Variants in SLC19A2 observed in about 807,000 individuals in gnomAD.
The protein encoded by SLC19A2 is solute carrier family 19 member 2, also known as thiamine transporter 1.
A neutral mutation model predicts 44.7 loss-of-function variants in SLC19A2; 27 were observed. That is an observed-to-expected ratio of 0.60 (90% CI 0.45 to 0.83). The LOEUF (loss-of-function observed/expected upper bound fraction) is 0.83, where lower values mean the gene tolerates loss of function less well. Ranked by LOEUF, SLC19A2 falls within the 40% of genes least tolerant of loss-of-function variation. SLC19A2 has a pLI of 0.00. For synonymous variants in SLC19A2, 239 were observed against 243.6 expected, an observed-to-expected ratio of 0.98 and a Z score of 0.18; for missense variants, 566 against 613.7, an observed-to-expected ratio of 0.92 and a Z score of 0.82.
At position 169,470,083 on chromosome 1, in the gene SLC19A2, A is replaced by G. The variant is rs1294255346; in HGVS notation, c.911T>C (p.Leu304Pro). 1 of 1,614,080 alleles carries G rather than the reference A, an allele frequency of 6.2e-7. No individual in the cohort carries two copies. Among genetic ancestry groups the G allele is most frequent in the East Asian group, 2.2e-5 (1 of 44,886 alleles). ...AACTTGAAAATAGCCACAGGTAGAG[A>G]GGGCCCACCACACAGACCAGCAGAG... ...PLLCWSVWWA[L>P]STCGYFQVVN... Residue 304 changes from leucine (L) to proline (P), a missense_variant, in exon 3 of 6, where the codon CTC becomes CCC. Coordinates refer to ENST00000236137, the MANE Select transcript of SLC19A2 (RefSeq NM_006996.3).
Position 169,478,688 on chromosome 1 carries a change from A to G in SLC19A2, c.205-931T>C, listed in dbSNP as rs192827958. Among the ~76,000 whole-genome samples, 687 of 151,840 alleles carry G rather than the reference A, an allele frequency of 4.5e-3. 6 individuals carry two copies. The highest frequency in any genetic ancestry group is 0.016 in the African/African-American group (667 of 41,406). ...ATCTGGCCTAGCCTCAAACTCTCCT[A>G]ATACTGATCTATATGCATCAGTTTC... On this transcript the variant is annotated intron_variant, in intron 1 of 5. Coordinates refer to ENST00000236137, the MANE Select transcript of SLC19A2 (RefSeq NM_006996.3).
chr1:169,478,099 G>T lies in SLC19A2; in HGVS notation c.205-342C>A, dbSNP rs528568455. Among the ~76,000 whole-genome samples, 5 of 152,124 alleles carry T rather than the reference G, an allele frequency of 3.3e-5. No homozygotes were observed. The East Asian group carries it at 9.7e-4, about 29-fold the overall frequency. ...TTTTTGTATTTTTAGTAGAGGTGGG[G>T]TTTCACCATGTTGGCCAGGCTGGTC... is the stretch of plus-strand genomic sequence containing the variant. On this transcript the variant is annotated intron_variant, in intron 1 of 5. Transcript: ENST00000236137.
In SLC19A2 at chr1:169,485,564, T is replaced by C. The variant is rs774228221; in HGVS notation, c.203A>G (p.Glu68Gly). Reference protein sequence around the residue: ...LGPDKNLTEREVFNEIYPVWT... With the variant: ...LGPDKNLTERGVFNEIYPVWT... ...GCGCCCCGCGTCCGCCGCGCGTACC[T>C]CCCTCTCGGTCAGGTTCTTGTCCGG... The change falls in exon 1 of 6, where the codon GAG (glutamate) becomes GGG (glycine). Residue 68 changes from glutamate to glycine, a missense_variant and splice_region_variant. Coordinates refer to ENST00000236137, the MANE Select transcript of SLC19A2 (RefSeq NM_006996.3). 6.3e-7 allele frequency: 1 copy of C among 1,583,600 alleles called. No individual in the cohort carries two copies. Among genetic ancestry groups the C allele is most frequent in the Non-Finnish European group, 8.6e-7 (1 of 1,165,422 alleles).
In SLC19A2 at chr1:169,465,774, C is replaced by G; in HGVS notation, c.*75G>C. 2 of 1,529,068 alleles carry G rather than the reference C, an allele frequency of 1.3e-6. No individual in the cohort carries two copies. The allele number at this position is 1,529,068 out of a possible 1,614,324, so 94.7% of individuals were successfully genotyped here. A position where few individuals can be genotyped will look rare whatever the true frequency, so the allele number is the denominator to read the frequency against. ...GCACATTCATAAATATATGTCTACGCTTTAAAAAATCAAACACATCCAGGC... is the reference window on the plus strand; with the variant it reads ...GCACATTCATAAATATATGTCTACGGTTTAAAAAATCAAACACATCCAGGC... On this transcript the variant is annotated 3_prime_UTR_variant, in exon 6 of 6. Coordinates refer to ENST00000236137, the MANE Select transcript of SLC19A2 (RefSeq NM_006996.3).
At chr1:169,466,572 T>C (rs1455526159) in intron 5 of SLC19A2, among the ~76,000 whole-genome samples, 1 of 152,116 alleles carries the variant, frequency 6.6e-6, no homozygotes, top group African/African-American at 2.4e-5. Context: ...ATGTGCAGAT[T>C]TGTTATATAG....
chr1:169,465,687 A>G lies in SLC19A2; in HGVS notation c.*162T>C. 2 of 716,718 alleles carry G rather than the reference A, an allele frequency of 2.8e-6. No individual in the cohort carries two copies. The highest frequency in any genetic ancestry group is 1.6e-5 in the South Asian group (1 of 61,134). The allele number at this position is 716,718 out of a possible 1,614,324, so 44.4% of individuals were successfully genotyped here. Reference sequence around the variant, plus strand: ...AACTTTACTTCTGGCTCCTCTGAATAGTATCATGTTATTCCCGGAACACAA... The same window carrying G: ...AACTTTACTTCTGGCTCCTCTGAATGGTATCATGTTATTCCCGGAACACAA... On this transcript the variant is annotated 3_prime_UTR_variant, in exon 6 of 6. Transcript: ENST00000236137.
chr1:169,485,810 C>G lies in SLC19A2; in HGVS notation c.-44G>C. 1 of 1,500,074 alleles carries G rather than the reference C, an allele frequency of 6.7e-7. No homozygotes were observed. Among genetic ancestry groups the G allele is most frequent in the Non-Finnish European group, 8.8e-7 (1 of 1,131,380 alleles). 92.9% of individuals were successfully genotyped at this position (1,500,074 alleles called of 1,614,324 possible). A position where few individuals can be genotyped will look rare whatever the true frequency, so the allele number is the denominator to read the frequency against. The stretch of plus-strand genomic sequence containing the variant: ...GGACCCGGCCCGGCCCCTTCCTTCT[C>G]CTCCTCCGCCAACTGGAGTGAGGGT... On this transcript the variant is annotated 5_prime_UTR_variant, in exon 1 of 6. Coordinates refer to ENST00000236137, the MANE Select transcript of SLC19A2 (RefSeq NM_006996.3).
At chr1:169,483,055 CA>C (rs2101785521) in intron 1 of SLC19A2, among the ~76,000 whole-genome samples, 1 of 152,320 alleles carries the variant, frequency 6.6e-6, no homozygotes, top group Non-Finnish European at 1.5e-5. Flanking sequence ...AACATACAGT[CA>C]AATTTTAGCC....
intron 2 of SLC19A2, among the ~76,000 whole-genome samples, chr1:169,471,060 CAAA>C (rs34821464): frequency 7.5e-6 from 1 of 133,430 alleles, no homozygotes. Context: ...CTATCTCTAC[CAAA>C]AAAAAAAAAA....
chr1:169,471,613 C>T (rs1231275765), intron 2 of SLC19A2, among the ~76,000 whole-genome samples: 5 of 149,260 alleles, frequency 3.3e-5, no homozygotes, highest in African/African-American at 1.2e-4. Flanking sequence ...TGCAGTGATC[C>T]GTGATCACGC....
intron 2 of SLC19A2, among the ~76,000 whole-genome samples, chr1:169,470,660 T>C (rs1211753280): frequency 6.6e-6 from 1 of 152,188 alleles, no homozygotes; most frequent in East Asian, 1.9e-4. Context: ...ATATTAGCAG[T>C]TCTCTCTAGG....
chr1:169,470,282 C>A, intron 2 of SLC19A2, 96 bp from the exon 3 acceptor site: 1 of 1,030,438 alleles, frequency 9.7e-7, no homozygotes, highest in East Asian at 2.5e-5. Flanking sequence ...AGACTTTTTT[C>A]CTTGTGAAAA....
intron 1 of SLC19A2, among the ~76,000 whole-genome samples, chr1:169,483,737 ATCAACAC>A (rs1460197009): frequency 3.9e-5 from 6 of 152,182 alleles, no homozygotes; most frequent in Non-Finnish European, 7.3e-5. Context: ...GCTTTCAAAT[ATCAACAC>A]TGGGAACATG....
At chr1:169,466,862 A>ACATCAT (rs780535190) in intron 5 of SLC19A2, among the ~76,000 whole-genome samples, 5 of 152,082 alleles carry the variant, frequency 3.3e-5, no homozygotes, top group African/African-American at 1.2e-4. Flanking sequence ...TGGTTTATTA[A>ACATCAT]CATCATCATC....
Position 169,477,202 on chromosome 1 carries a change from C to G in SLC19A2, c.760G>C (p.Glu254Gln). The G allele has an allele frequency of 6.2e-7, 1 of 1,614,036 alleles. No individual in the cohort carries two copies. The highest frequency in any genetic ancestry group is 2.2e-5 in the East Asian group (1 of 44,886). The change falls in exon 2 of 6, where the codon GAG becomes CAG. Residue 254 changes from glutamate to glutamine, a missense_variant. By Grantham distance (29) the Glu-to-Gln change is conservative (BLOSUM62 2). Transcript: ENST00000236137. The part of the protein sequence containing the change: ...SNHLPGWEDI[E>Q]SKIPLNMEEP... Reference sequence around the variant, plus strand: ...TCCATATTTAGAGGGATTTTTGACTCAATGTCCTCCCAGCCAGGAAGGTGG... The same window carrying G: ...TCCATATTTAGAGGGATTTTTGACTGAATGTCCTCCCAGCCAGGAAGGTGG...
chr1:169,478,220 A>G (rs1269289418), intron 1 of SLC19A2, among the ~76,000 whole-genome samples: 2 of 152,030 alleles, frequency 1.3e-5, no homozygotes, highest in African/African-American at 4.8e-5. Context: ...CCTATCCCCA[A>G]TACCATCATC....
intron 1 of SLC19A2, among the ~76,000 whole-genome samples, chr1:169,483,590 G>A (rs1271498815): frequency 6.6e-6 from 1 of 152,116 alleles, no homozygotes; most frequent in Non-Finnish European, 1.5e-5. Context: ...TACTACGCCT[G>A]GCAACTCTGC....
Position 169,485,792 on chromosome 1 carries a change from G to T in SLC19A2, c.-26C>A. The T allele has an allele frequency of 6.6e-7, 1 of 1,514,098 alleles. No individual in the cohort carries two copies. The highest frequency in any genetic ancestry group is 8.8e-7 in the Non-Finnish European group (1 of 1,138,034). The allele number at this position is 1,514,098 out of a possible 1,614,324, so 93.8% of individuals were successfully genotyped here. A position where few individuals can be genotyped will look rare whatever the true frequency, so the allele number is the denominator to read the frequency against. ...CCGGGGCGCGAGGGGAGGGGACCCG[G>T]CCCGGCCCCTTCCTTCTCCTCCTCC... On this transcript the variant is annotated 5_prime_UTR_variant, in exon 1 of 6. Coordinates refer to ENST00000236137, the MANE Select transcript of SLC19A2 (RefSeq NM_006996.3).
At chr1:169,467,710 A>G (rs1350192699) in intron 5 of SLC19A2, among the ~76,000 whole-genome samples, 2 of 152,170 alleles carry the variant, frequency 1.3e-5, no homozygotes, top group African/African-American at 2.4e-5. Context: ...GGGTGTTTTA[A>G]ATAAAGAAGG....
Sources: allele counts gnomAD v4.1 joint callset (sites outside exome capture counted in the v4.1 genomes callset), GRCh38; gene constraint gnomAD v4.1.1; transcripts MANE v1.5; gene names NCBI Gene and HGNC (gene_info 2026-07-23, HGNC 2026-07-21).